Variants in ZNF761 observed in about 807,000 individuals in gnomAD.
ZNF761 encodes the protein zinc finger protein 761.
A neutral mutation model predicts 59.9 loss-of-function variants in ZNF761; 43 were observed. That is an observed-to-expected ratio of 0.72 (90% CI 0.56 to 0.92). The LOEUF is 0.92. Ranked by LOEUF, ZNF761 falls within the 40% of genes least tolerant of loss-of-function variation. The pLI is 0.00. For synonymous variants in ZNF761, 294 were observed against 304.8 expected (o/e 0.96, Z 0.37); for missense variants, 850 against 906.1 (o/e 0.94, Z 0.79).
At position 53,457,308 on chromosome 19, in the gene ZNF761, C is replaced by A; in HGVS notation, c.*560C>A. 1 of 389,168 alleles carries A rather than the reference C, an allele frequency of 2.6e-6. No homozygotes were observed. Among genetic ancestry groups the A allele is most frequent in the Non-Finnish European group, 5.2e-6 (1 of 191,770 alleles). The allele number at this position is 389,168 out of a possible 1,614,324, so 24.1% of individuals were successfully genotyped here. ...CCTTGCAGTTCATCGGTGAACTCAA[C>A]GCTGGAGAGAAACCTTACAAATGTC... On this transcript the variant is annotated 3_prime_UTR_variant, in exon 5 of 5. Coordinates refer to ENST00000684525, the MANE Select transcript of ZNF761 (RefSeq NM_001289951.2).
intron 3 of ZNF761, among the ~76,000 whole-genome samples, chr19:53,449,158 C>T (rs1339324026): frequency 2.6e-5 from 4 of 152,006 alleles, no homozygotes; most frequent in African/African-American, 7.3e-5. Context: ...GGTGAAACCC[C>T]GTTTCTGCTA....
At chr19:53,447,518 A>G (rs1212787072) in intron 3 of ZNF761, among the ~76,000 whole-genome samples, 1 of 152,136 alleles carries the variant, frequency 6.6e-6, no homozygotes, top group Admixed American at 6.5e-5. Flanking sequence ...TCACACCCAG[A>G]CATGGATGGA....
In ZNF761 at chr19:53,447,497, T is replaced by C. The variant is rs569654781; in HGVS notation, c.15+214T>C. ...GGAAGAGGCTGCACTGGGCATGGTC[T>C]TGGGAAGGGCTCACACCCAGACATG... is the stretch of plus-strand genomic sequence containing the variant. On this transcript the variant is annotated intron_variant, in intron 3 of 4. Transcript: ENST00000684525. Among the ~76,000 whole-genome samples the C allele has an allele frequency of 5.8e-4, 88 of 152,258 alleles. 2 individuals are homozygous for C. Among genetic ancestry groups the C allele is most frequent in the Middle Eastern group, 6.8e-3 (2 of 294 alleles).
At position 53,432,737 on chromosome 19, in the gene ZNF761, C is replaced by G. The variant is rs549636971; in HGVS notation, c.-185+709C>G. 1.4e-4 allele frequency among the ~76,000 whole-genome samples: 22 copies of G among 152,252 alleles called. 1 individual carries two copies. The highest frequency in any genetic ancestry group is 3.9e-4 in the East Asian group (2 of 5,182). On this transcript the variant is annotated intron_variant, in intron 1 of 4. Transcript: ENST00000684525. ...AAAGAAGAATGAGAAAGACCTATAA[C>G]AGATGGCAAAGTAGAGGATGGGTGA...
intron 1 of ZNF761, chr19:53,445,286 A>G (rs1242414015): frequency 1.3e-5 from 2 of 152,182 alleles, no homozygotes; most frequent in Middle Eastern, 3.2e-3. Flanking sequence ...CTAAGGAAAA[A>G]TTAAATGTCA....
chr19:53,455,658 G>C lies in ZNF761; in HGVS notation c.1151G>C (p.Cys384Ser). The C allele has an allele frequency of 6.2e-7, 1 of 1,613,650 alleles. No individual in the cohort carries two copies. The highest frequency in any genetic ancestry group is 8.5e-7 in the Non-Finnish European group (1 of 1,179,960). Residue 384 changes from cysteine to serine, a missense_variant, in exon 5 of 5, where the codon TGT becomes TCT. Physicochemically the swap from Cys to Ser is moderately radical, Grantham distance 112. Coordinates refer to ENST00000684525, the MANE Select transcript of ZNF761 (RefSeq NM_001289951.2). ...CATACTGGAGAGAAACCCTACAAAT[G>C]TAATGAGTGTGGCAAGACCTTTAGT... Reference protein sequence around the residue: ...RLHTGEKPYKCNECGKTFSHK... With the variant: ...RLHTGEKPYKSNECGKTFSHK...
At position 53,455,995 on chromosome 19, in the gene ZNF761, T is replaced by C; in HGVS notation, c.1488T>C (p.Cys496=). The C allele has an allele frequency of 1.2e-6, 2 of 1,613,976 alleles. No homozygotes were observed. The highest frequency in any genetic ancestry group is 1.7e-6 in the Non-Finnish European group (2 of 1,179,936). ...RIHTGEKPYK[C]NECGKTFSRK... ...ATACTGGAGAGAAACCATACAAGTG[T>C]AATGAGTGTGGCAAGACCTTTAGTC... is the stretch of plus-strand genomic sequence containing the variant. The change falls in exon 5 of 5, where the codon TGT becomes TGC. Residue 496 remains cysteine (C), a synonymous_variant. Coordinates refer to ENST00000684525, the MANE Select transcript of ZNF761 (RefSeq NM_001289951.2).
At chr19:53,438,861 G>T (rs372104487) in intron 1 of ZNF761, among the ~76,000 whole-genome samples, 14 of 152,268 alleles carry the variant, frequency 9.2e-5, no homozygotes, top group African/African-American at 3.4e-4. Context: ...TGGGTTCCCC[G>T]ATAACACTCC....
At chr19:53,433,722 A>G (rs1266388096) in intron 1 of ZNF761, among the ~76,000 whole-genome samples, 1 of 152,108 alleles carries the variant, frequency 6.6e-6, no homozygotes, top group Non-Finnish European at 1.5e-5. Flanking sequence ...TTGCTTCTAT[A>G]GTTGATTGAA....
At chr19:53,436,108 G>A (rs1419681723) in intron 1 of ZNF761, among the ~76,000 whole-genome samples, 5 of 152,140 alleles carry the variant, frequency 3.3e-5, no homozygotes, top group African/African-American at 1.2e-4. Flanking sequence ...TCTGGGTCTT[G>A]CTGGCTGTTC....
intron 1 of ZNF761, chr19:53,442,812 G>A: frequency 2.3e-6 from 1 of 428,374 alleles, no homozygotes. Context: ...TAGAGGCTGA[G>A]AACCTTTGCA....
intron 4 of ZNF761, chr19:53,450,107 A>T: frequency 3.2e-6 from 1 of 312,916 alleles, no homozygotes; most frequent in Non-Finnish European, 5.8e-6. Flanking sequence ...GATCGAGACC[A>T]GCCCGGCCAA....
At chr19:53,438,268 C>G (rs1256277202) in intron 1 of ZNF761, among the ~76,000 whole-genome samples, 5 of 152,108 alleles carry the variant, frequency 3.3e-5, no homozygotes, top group Non-Finnish European at 7.4e-5. Context: ...AATGTGGCAC[C>G]GGGACAGTTA....
chr19:53,447,691 G>T (rs2086175780), intron 3 of ZNF761, among the ~76,000 whole-genome samples: 1 of 152,192 alleles, frequency 6.6e-6, no homozygotes, highest in African/African-American at 2.4e-5. Flanking sequence ...TCTAGAAAAG[G>T]TGACCAAGAT....
At chr19:53,433,880 G>A (rs569861382) in intron 1 of ZNF761, among the ~76,000 whole-genome samples, 5 of 152,192 alleles carry the variant, frequency 3.3e-5, no homozygotes, top group East Asian at 3.9e-4. Context: ...GTCTAAGTCC[G>A]GACTGGAACG....
intron 1 of ZNF761, among the ~76,000 whole-genome samples, chr19:53,437,273 G>C (rs1193190270): frequency 6.6e-6 from 1 of 151,064 alleles, no homozygotes; most frequent in Non-Finnish European, 1.5e-5. Context: ...AGCCAAGATC[G>C]CACCACTGCA....
In ZNF761 at chr19:53,456,350, T is replaced by C; in HGVS notation, c.1843T>C (p.Phe615Leu). 6.2e-7 allele frequency: 1 copy of C among 1,611,432 alleles called. No individual in the cohort carries two copies. The highest frequency in any genetic ancestry group is 8.5e-7 in the Non-Finnish European group (1 of 1,178,076). ...CAAGTGTAATGAGTGTGGCAAGACC[T>C]TCAGTCGGACGTCATCCCTTACATG... is the stretch of plus-strand genomic sequence containing the variant. ...PYKCNECGKT[F>L]SRTSSLTCHR... The change falls in exon 5 of 5, where the codon TTC (phenylalanine) becomes CTC (leucine). Residue 615 changes from phenylalanine to leucine, a missense_variant. Coordinates refer to ENST00000684525, the MANE Select transcript of ZNF761 (RefSeq NM_001289951.2).
At chr19:53,433,326 G>T (rs1371734910) in intron 1 of ZNF761, among the ~76,000 whole-genome samples, 2 of 151,820 alleles carry the variant, frequency 1.3e-5, no homozygotes, top group Non-Finnish European at 2.9e-5. Flanking sequence ...TCCATAGCTG[G>T]TGGCCTCGTA....
In ZNF761 at chr19:53,454,830, G is replaced by C. The variant is rs565786134; in HGVS notation, c.323G>C (p.Gly108Ala). 22 of 1,614,088 alleles carry C rather than the reference G, an allele frequency of 1.4e-5. No individual in the cohort carries two copies. The East Asian group carries it at 4.7e-4, about 34-fold the overall frequency. ...EFQWQEDERN[G>A]HEAPMTKIKK... is the part of the protein sequence containing the mutation. ...CAATGGCAAGAAGATGAAAGAAATGGCCATGAAGCACCCATGACAAAAATC... is the reference window on the plus strand; with the variant it reads ...CAATGGCAAGAAGATGAAAGAAATGCCCATGAAGCACCCATGACAAAAATC... Residue 108 changes from glycine to alanine, a missense_variant, in exon 5 of 5, where the codon GGC (glycine) becomes GCC (alanine). Physicochemically the swap from Gly to Ala is moderately conservative, Grantham distance 60. Transcript: ENST00000684525.
Sources: gnomAD v4.1 joint callset for allele counts (sites outside exome capture counted in the v4.1 genomes callset) on GRCh38, gnomAD v4.1.1 for gene constraint, MANE v1.5 for transcripts, NCBI Gene and HGNC (gene_info 2026-07-23, HGNC 2026-07-21) for gene names.